Variants in ATRNL1 observed in about 807,000 individuals in gnomAD.
ATRNL1 encodes the protein attractin like 1.
Under a neutral mutation model 182.7 loss-of-function variants are expected in ATRNL1, and 95 were observed. The observed-to-expected ratio is 0.52, with a 90% CI of 0.44 to 0.62. ATRNL1 has a LOEUF of 0.62. Ranked by LOEUF, ATRNL1 falls within the 20% of genes least tolerant of loss-of-function variation. ATRNL1 has a pLI of 0.00. For synonymous variants in ATRNL1, 576 were observed against 568.3 expected, an observed-to-expected ratio of 1.01 and a Z score of -0.19; for missense variants, 1,471 against 1,679.5, an observed-to-expected ratio of 0.88 and a Z score of 2.17.
At chr10:115,398,476 A>T (rs987162266) in intron 20 of ATRNL1, among the ~76,000 whole-genome samples, 4 of 151,916 alleles carry the variant, frequency 2.6e-5, no homozygotes. Context: ...TGTGGCAGTT[A>T]TGAATGGAAG....
chr10:115,330,015 T>G (rs1389695013), intron 18 of ATRNL1, among the ~76,000 whole-genome samples: 1 of 152,200 alleles, frequency 6.6e-6, no homozygotes, highest in African/African-American at 2.4e-5. Flanking sequence ...TGATTTGATT[T>G]CTTGCTTTTT....
chr10:115,389,538 G>GTA (rs1270489896), intron 19 of ATRNL1, among the ~76,000 whole-genome samples: 8 of 51,406 alleles, frequency 1.6e-4, no homozygotes, highest in Non-Finnish European at 2.3e-4. Flanking sequence ...AAATGTGTAT[G>GTA]TGTATATATA....
At chr10:115,360,910 A>C (rs578198841) in intron 19 of ATRNL1, among the ~76,000 whole-genome samples, 1 of 151,890 alleles carries the variant, frequency 6.6e-6, no homozygotes, top group South Asian at 2.1e-4. Flanking sequence ...TTATGTTCTG[A>C]TTATGCACTT....
chr10:115,611,539 G>A (rs2133777533), intron 26 of ATRNL1, among the ~76,000 whole-genome samples: 1 of 152,010 alleles, frequency 6.6e-6, no homozygotes, highest in South Asian at 2.1e-4. Context: ...CTGTCTTTCA[G>A]GTGTTTATAT....
chr10:115,421,513 G>A lies in ATRNL1; in HGVS notation c.3270-4737G>A, dbSNP rs139509038. Among the ~76,000 whole-genome samples the A allele has an allele frequency of 5.5e-3, 838 of 152,098 alleles. 7 individuals are homozygous for A. Among genetic ancestry groups the A allele is most frequent in the African/African-American group, 0.019 (785 of 41,482 alleles). ...TTTAACATTCCTCCATGATAAAACC[G>A]CTGAAAAATTAGGTGTAGAGGGAAC... On this transcript the variant is annotated intron_variant, in intron 20 of 28. Coordinates refer to ENST00000355044, the MANE Select transcript of ATRNL1 (RefSeq NM_207303.4).
rs539324627 is a variant in ATRNL1 at position 115,831,548 on chromosome 10, C to T, written c.3904-16329C>T. 4.9e-4 allele frequency among the ~76,000 whole-genome samples: 74 copies of T among 152,150 alleles called. 1 individual carries two copies. The highest frequency in any genetic ancestry group is 6.8e-3 in the Middle Eastern group (2 of 294). ...ACGCCGGGGTGAGGGTGGAGCGGAG[C>T]GTGGAAAGCAAACCAATTGGAAAGG... On this transcript the variant is annotated intron_variant, in intron 27 of 28. Transcript: ENST00000355044.
chr10:115,942,916 A>G (rs531088727), intron 28 of ATRNL1, among the ~76,000 whole-genome samples: 15 of 152,352 alleles, frequency 9.8e-5, no homozygotes, highest in African/African-American at 3.6e-4. Flanking sequence ...TGGTTGAGCC[A>G]TGGCTCCTAT....
intron 5 of ATRNL1, among the ~76,000 whole-genome samples, chr10:115,138,336 G>C (rs111957679): frequency 1.4e-4 from 21 of 152,350 alleles, no homozygotes; most frequent in African/African-American, 4.8e-4. Flanking sequence ...TGCCCCAGTA[G>C]GGACTCTGTG....
intron 21 of ATRNL1, among the ~76,000 whole-genome samples, chr10:115,456,119 G>A (rs570834724): frequency 1.8e-4 from 27 of 152,220 alleles, no homozygotes; most frequent in African/African-American, 6.0e-4. Context: ...ATTTGACCTA[G>A]CAATCCCATT....
intron 19 of ATRNL1, among the ~76,000 whole-genome samples, chr10:115,376,625 C>T (rs142742161): frequency 1.8e-3 from 281 of 152,250 alleles, no homozygotes; most frequent in African/African-American, 6.4e-3. Context: ...TTTCAAAGTG[C>T]TGTGATTATA....
At chr10:115,841,815 T>G (rs1219865299) in intron 27 of ATRNL1, among the ~76,000 whole-genome samples, 1 of 152,094 alleles carries the variant, frequency 6.6e-6, no homozygotes, top group Non-Finnish European at 1.5e-5. Context: ...GGAGAATCTG[T>G]TTTTGAAATC....
At chr10:115,833,594 A>G (rs1325788485) in intron 27 of ATRNL1, among the ~76,000 whole-genome samples, 1 of 152,238 alleles carries the variant, frequency 6.6e-6, no homozygotes, top group East Asian at 1.9e-4. Flanking sequence ...CACTTGCCCT[A>G]CGCCAGGCAG....
At chr10:115,941,187 T>TTAAC (rs1953720937) in intron 28 of ATRNL1, among the ~76,000 whole-genome samples, 2 of 152,256 alleles carry the variant, frequency 1.3e-5, no homozygotes, top group South Asian at 4.1e-4. Context: ...GAAAATGCAG[T>TTAAC]TGATTGTTAC....
chr10:115,943,647 T>C (rs1953795276), intron 28 of ATRNL1, among the ~76,000 whole-genome samples: 1 of 150,976 alleles, frequency 6.6e-6, no homozygotes, highest in Non-Finnish European at 1.5e-5. Context: ...AAACATAAGC[T>C]TACCATATTA....
chr10:115,541,115 T>C (rs1182577367), intron 25 of ATRNL1, among the ~76,000 whole-genome samples: 4 of 152,162 alleles, frequency 2.6e-5, no homozygotes, highest in African/African-American at 4.8e-5. Context: ...CCATTAGCAT[T>C]ATGACGAGTC....
chr10:115,365,356 C>T (rs1440508084), intron 19 of ATRNL1, among the ~76,000 whole-genome samples: 12 of 150,472 alleles, frequency 8.0e-5, no homozygotes, highest in East Asian at 7.8e-4. Context: ...TCTGTGGGAT[C>T]GGTGGTGATA....
intron 20 of ATRNL1, among the ~76,000 whole-genome samples, chr10:115,419,723 A>G (rs1845566515): frequency 1.3e-5 from 2 of 152,226 alleles, no homozygotes; most frequent in Non-Finnish European, 2.9e-5. Flanking sequence ...AGCAGATACA[A>G]TTATAAACAT....
At chr10:115,795,498 T>G (rs1482562369) in intron 27 of ATRNL1, among the ~76,000 whole-genome samples, 1 of 152,154 alleles carries the variant, frequency 6.6e-6, no homozygotes, top group Non-Finnish European at 1.5e-5. Flanking sequence ...TATTAGTCCG[T>G]TCTCACACTG....
intron 27 of ATRNL1, among the ~76,000 whole-genome samples, chr10:115,840,148 G>A (rs1555096642): frequency 6.6e-6 from 1 of 152,090 alleles, no homozygotes; most frequent in Non-Finnish European, 1.5e-5. Flanking sequence ...TAACAGCAGG[G>A]AACAAAAATG....
Sources: allele counts gnomAD v4.1 joint callset (sites outside exome capture counted in the v4.1 genomes callset), GRCh38; gene constraint gnomAD v4.1.1; transcripts MANE v1.5; gene names NCBI Gene and HGNC (gene_info 2026-07-23, HGNC 2026-07-21).